The following BAZ2B variants were observed in gnomAD, a reference collection of about 807,000 sequenced individuals.
BAZ2B encodes bromodomain adjacent to zinc finger domain protein 2B.
BAZ2B carries 91 observed loss-of-function variants against 246.0 expected under a neutral mutation model. The observed-to-expected ratio is 0.37, with a 90% confidence interval of 0.31 to 0.44. BAZ2B has a LOEUF of 0.44. Ranked by LOEUF, BAZ2B falls within the 20% of genes least tolerant of loss-of-function variation. The probability of loss-of-function intolerance (pLI) is 1.00; values close to 1 mark genes in which losing one functional copy is unlikely to be tolerated. For synonymous variants in BAZ2B, 855 were observed against 860.0 expected (o/e 0.99, Z 0.10); for missense variants, 2,332 against 2,533.7 (o/e 0.92, Z 1.71).
intron 2 of BAZ2B, among the ~76,000 whole-genome samples, chr2:159,527,542 G>A (rs2084893179): frequency 6.6e-6 from 1 of 152,072 alleles, no homozygotes; most frequent in Non-Finnish European, 1.5e-5. Flanking sequence ...TGTCTTGTAG[G>A]TTTTCACCTA....
rs754308058 is a variant in BAZ2B, at chr2:159,336,982, A to G, written c.5756T>C (p.Leu1919Ser). Reference protein sequence around the residue: ...AAQVALCIQQLQKSIAWEKSI... With the variant: ...AAQVALCIQQSQKSIAWEKSI... Reference sequence around the variant, plus strand: ...TTTTTCCCATGCTATTGATTTCTGTAATTGCTGAATGCACAGAGCTACCTG... The same window carrying G: ...TTTTTCCCATGCTATTGATTTCTGTGATTGCTGAATGCACAGAGCTACCTG... The change falls in exon 33 of 37, where the codon TTA becomes TCA. Residue 1919 changes from leucine to serine, a missense_variant. Leu to Ser is a moderately radical substitution (Grantham distance 145). This residue lies in a region of BAZ2B where 53 missense variants were observed against 62.0 expected (regional missense o/e 0.86). Transcript: ENST00000392783. 1 of 1,610,324 alleles carries G rather than the reference A, an allele frequency of 6.2e-7. No homozygotes were observed. Among genetic ancestry groups the G allele is most frequent in the South Asian group, 1.1e-5 (1 of 90,674 alleles).
chr2:159,421,631 A>C (rs1443157132), intron 13 of BAZ2B, among the ~76,000 whole-genome samples: 1 of 152,202 alleles, frequency 6.6e-6, no homozygotes, highest in Non-Finnish European at 1.5e-5. Flanking sequence ...TGTACTATAC[A>C]AAAGTTAATA....
chr2:159,608,031 C>T (rs1693897141), intron 1 of BAZ2B, among the ~76,000 whole-genome samples: 1 of 152,156 alleles, frequency 6.6e-6, no homozygotes, highest in African/African-American at 2.4e-5. Flanking sequence ...TTTACTTTTT[C>T]AAACAACGTC....
the BAZ2B span, among the ~76,000 whole-genome samples, chr2:159,623,739 A>T: frequency 1.3e-5 from 2 of 152,204 alleles, no homozygotes; most frequent in Non-Finnish European, 2.9e-5. Flanking sequence ...CACTTCTAAA[A>T]ATCTGACCAA....
the BAZ2B span, among the ~76,000 whole-genome samples, chr2:159,680,086 T>C: frequency 6.6e-6 from 1 of 152,216 alleles, no homozygotes; most frequent in African/African-American, 2.4e-5. Flanking sequence ...ATTATGTTAA[T>C]AATGTGTGAT....
the BAZ2B span, among the ~76,000 whole-genome samples, chr2:159,649,082 G>T: frequency 1.3e-5 from 2 of 152,022 alleles, no homozygotes; most frequent in African/African-American, 4.8e-5. Context: ...ATGATGTTGA[G>T]CATTTTTATA....
the BAZ2B span, among the ~76,000 whole-genome samples, chr2:159,656,285 C>A: frequency 2.0e-5 from 3 of 152,104 alleles, no homozygotes; most frequent in African/African-American, 7.2e-5. Context: ...TTATTAATAT[C>A]TTGAATTACT....
chr2:159,661,928 G>A, the BAZ2B span, among the ~76,000 whole-genome samples: 2 of 151,976 alleles, frequency 1.3e-5, no homozygotes, highest in Non-Finnish European at 2.9e-5. Context: ...TTATCTAATT[G>A]CAATACATTT....
At chr2:159,443,677 T>C (rs911622885) in intron 6 of BAZ2B, among the ~76,000 whole-genome samples, 1 of 152,168 alleles carries the variant, frequency 6.6e-6, no homozygotes, top group Non-Finnish European at 1.5e-5. Context: ...CTCACTTGAA[T>C]AGACAATCTC....
intron 30 of BAZ2B, among the ~76,000 whole-genome samples, chr2:159,348,008 T>C (rs903665073): frequency 1.3e-5 from 2 of 152,052 alleles, no homozygotes; most frequent in African/African-American, 4.8e-5. Flanking sequence ...AACCTAGAGA[T>C]GTTCACATCC....
chr2:159,415,943 A>C (rs2067635479), intron 13 of BAZ2B, among the ~76,000 whole-genome samples: 1 of 152,184 alleles, frequency 6.6e-6, no homozygotes, highest in Non-Finnish European at 1.5e-5. Flanking sequence ...CGTCTTTACA[A>C]TTGAGGAAAT....
Position 159,424,077 on chromosome 2 carries a change from C to T in BAZ2B, c.2466+3864G>A, listed in dbSNP as rs553940406. ...AAGCATCAAACTACATGCTTAAAAA[C>T]GATTTCATTTTATTGCATGTAAATA... is the stretch of plus-strand genomic sequence containing the variant. On this transcript the variant is annotated intron_variant, in intron 13 of 36. Coordinates refer to ENST00000392783, the MANE Select transcript of BAZ2B (RefSeq NM_013450.4). Among the ~76,000 whole-genome samples, 7 of 152,246 alleles carry T rather than the reference C, an allele frequency of 4.6e-5. No individual in the cohort carries two copies. In the South Asian group the frequency reaches 1.0e-3, roughly 23 times the overall value.
At chr2:159,650,478 T>C in the BAZ2B span, among the ~76,000 whole-genome samples, 11 of 152,138 alleles carry the variant, frequency 7.2e-5, no homozygotes, top group African/African-American at 2.4e-4. Flanking sequence ...GCCCCATAAA[T>C]AGTGAGGTTT....
chr2:159,497,861 C>T (rs919501183), intron 2 of BAZ2B, among the ~76,000 whole-genome samples: 2 of 152,114 alleles, frequency 1.3e-5, no homozygotes, highest in African/African-American at 4.8e-5. Flanking sequence ...CTACTTACAC[C>T]ACTGAGACAT....
At chr2:159,485,097 CA>C (rs1169371054) in intron 2 of BAZ2B, among the ~76,000 whole-genome samples, 2 of 152,062 alleles carry the variant, frequency 1.3e-5, no homozygotes, top group Admixed American at 6.6e-5. Context: ...TTATCAGAAC[CA>C]CTAAGAGTAG....
chr2:159,338,723 G>A (rs892741792), intron 31 of BAZ2B, among the ~76,000 whole-genome samples: 15 of 152,116 alleles, frequency 9.9e-5, no homozygotes, highest in South Asian at 4.2e-4. Flanking sequence ...TCCAATCCTC[G>A]TGCTCTGCTC....
At chr2:159,343,033 T>C (rs547321417) in intron 31 of BAZ2B, among the ~76,000 whole-genome samples, 1 of 152,318 alleles carries the variant, frequency 6.6e-6, no homozygotes, top group East Asian at 1.9e-4. Flanking sequence ...AAAGCTGTAG[T>C]AATCAGAACA....
At chr2:159,529,060 T>C (rs1356342299) in intron 2 of BAZ2B, among the ~76,000 whole-genome samples, 1 of 151,914 alleles carries the variant, frequency 6.6e-6, no homozygotes, top group Non-Finnish European at 1.5e-5. Context: ...CATGTATACA[T>C]ATGTAACAAA....
At chr2:159,423,340 G>T (rs1360423569) in intron 13 of BAZ2B, among the ~76,000 whole-genome samples, 1 of 86,540 alleles carries the variant, frequency 1.2e-5, no homozygotes, top group African/African-American at 3.7e-5. Flanking sequence ...CAAAAGAATG[G>T]CTATTATTAA....
Sources: allele counts gnomAD v4.1 joint callset (sites outside exome capture counted in the v4.1 genomes callset), GRCh38; gene constraint gnomAD v4.1.1; regional missense constraint gnomAD v4.1.1; transcripts MANE v1.5; gene names NCBI Gene and HGNC (gene_info 2026-07-23, HGNC 2026-07-21).